KCNU1: variants seen among roughly 807,000 people sequenced by gnomAD.
The protein encoded by KCNU1 is potassium channel subfamily U member 1.
In KCNU1, 93 loss-of-function variants were observed where a neutral mutation model predicts 126.8. The observed-to-expected ratio is 0.73, with a 90% CI of 0.62 to 0.87. The LOEUF (loss-of-function observed/expected upper bound fraction) is 0.87, where lower values mean the gene tolerates loss of function less well. KCNU1 is among the 40% of genes least tolerant of loss of function. The probability of loss-of-function intolerance (pLI) is 0.00; values close to 1 mark genes in which losing one functional copy is unlikely to be tolerated. For missense variants in KCNU1, 1,330 were observed against 1,367.1 expected, an observed-to-expected ratio of 0.97 and a Z score of 0.43; for synonymous variants, 523 against 494.2, an observed-to-expected ratio of 1.06 and a Z score of -0.77.
At chr8:36,807,565 T>C (rs1398726453) in intron 6 of KCNU1, 115 bp downstream of exon 6, 6 of 790,280 alleles carry the variant, frequency 7.6e-6, no homozygotes, top group South Asian at 3.0e-5. Flanking sequence ...GCAAAGATCA[T>C]GAAATCTCTC....
At chr8:36,871,094 G>A (rs897477472) in intron 19 of KCNU1, among the ~76,000 whole-genome samples, 3 of 152,236 alleles carry the variant, frequency 2.0e-5, no homozygotes, top group African/African-American at 7.2e-5. Flanking sequence ...CAAGACCAAA[G>A]AAGACAGCAG....
In KCNU1 at chr8:36,875,330, A is replaced by G. The variant is rs896690266; in HGVS notation, c.2009+10809A>G. Among the ~76,000 whole-genome samples, 16 of 149,984 alleles carry G rather than the reference A, an allele frequency of 1.1e-4. No individual in the cohort carries two copies. The Admixed American group carries it at 1.1e-3, about 10-fold the overall frequency. ...ATACACACATATGTATGACTTATTT[A>G]TACATACCAATACATACATACATTA... On this transcript the variant is annotated intron_variant, in intron 19 of 26. Coordinates refer to ENST00000399881, the MANE Select transcript of KCNU1 (RefSeq NM_001031836.3).
At chr8:36,925,277 T>C (rs1311796479) in intron 24 of KCNU1, among the ~76,000 whole-genome samples, 1 of 152,214 alleles carries the variant, frequency 6.6e-6, no homozygotes, top group Non-Finnish European at 1.5e-5. Flanking sequence ...GAACTCTTGA[T>C]AAGTACTTAT....
rs763599774 is a variant in KCNU1, at chr8:36,845,634, G to T, written c.1758G>T (p.Gly586=). ...TGAGGATACGTAAGAACACATTAGG[G>T]TTCTTTATTGCTGAAACTCCAAAGG... ...PQVRIRKNTL[G]FFIAETPKDV... Residue 586 remains glycine, a synonymous_variant, in exon 17 of 27, where the codon GGG becomes GGT. Coordinates refer to ENST00000399881, the MANE Select transcript of KCNU1 (RefSeq NM_001031836.3). The T allele has an allele frequency of 6.2e-7, 1 of 1,611,380 alleles. No homozygotes were observed. Among genetic ancestry groups the T allele is most frequent in the Non-Finnish European group, 8.5e-7 (1 of 1,177,636 alleles).
At chr8:36,791,847 C>A (rs1249234596) in intron 2 of KCNU1, among the ~76,000 whole-genome samples, 1 of 152,094 alleles carries the variant, frequency 6.6e-6, no homozygotes, top group Non-Finnish European at 1.5e-5. Context: ...AAACCTTTTC[C>A]ACCACCTTGA....
chr8:36,792,722 A>G (rs1222979157), intron 2 of KCNU1, among the ~76,000 whole-genome samples: 1 of 152,228 alleles, frequency 6.6e-6, no homozygotes, highest in African/African-American at 2.4e-5. Flanking sequence ...ATAGATTTCA[A>G]TAAATGAGCT....
At chr8:36,815,345 C>A (rs1292107216) in intron 8 of KCNU1, among the ~76,000 whole-genome samples, 2 of 152,102 alleles carry the variant, frequency 1.3e-5, no homozygotes, top group African/African-American at 4.8e-5. Context: ...AAGGATAAGA[C>A]ATGTGGGGAA....
At chr8:36,827,197 G>A (rs1235524896) in intron 10 of KCNU1, among the ~76,000 whole-genome samples, 3 of 152,272 alleles carry the variant, frequency 2.0e-5, no homozygotes, top group Non-Finnish European at 4.4e-5. Context: ...TTCTGCCTCA[G>A]GACCATCTAA....
In KCNU1 at chr8:36,935,594, G is replaced by T. The variant is rs771138258; in HGVS notation, c.3124G>T (p.Ala1042Ser). The change falls in exon 27 of 27, where the codon GCT (alanine) becomes TCT (serine). Residue 1042 changes from alanine (A) to serine (S), a missense_variant. Ala to Ser is a moderately conservative substitution (Grantham distance 99). Transcript: ENST00000399881. ...LVFCAIPFST[A>S]CYKRNEEFSL... Reference sequence around the variant, plus strand: ...GTTTTGTGCCATACCCTTCAGCACTGCTTGTTATAAAAGGAATGAAGAGTT... The same window carrying T: ...GTTTTGTGCCATACCCTTCAGCACTTCTTGTTATAAAAGGAATGAAGAGTT... 1 of 1,613,020 alleles carries T rather than the reference G, an allele frequency of 6.2e-7. No individual in the cohort carries two copies. The highest frequency in any genetic ancestry group is 8.5e-7 in the Non-Finnish European group (1 of 1,179,380).
chr8:36,880,477 G>T (rs1035661419), intron 19 of KCNU1, among the ~76,000 whole-genome samples: 5 of 152,060 alleles, frequency 3.3e-5, no homozygotes, highest in African/African-American at 1.2e-4. Flanking sequence ...ATGAACAGAT[G>T]GGGTGTCGAA....
chr8:36,869,261 T>C (rs886432999), intron 19 of KCNU1, among the ~76,000 whole-genome samples: 2 of 152,174 alleles, frequency 1.3e-5, no homozygotes, highest in Non-Finnish European at 2.9e-5. Context: ...ATAACAGACC[T>C]GGGCCAGGAG....
intron 19 of KCNU1, among the ~76,000 whole-genome samples, chr8:36,905,464 A>G (rs1448782436): frequency 1.3e-5 from 2 of 151,364 alleles, no homozygotes; most frequent in African/African-American, 4.9e-5. Context: ...CTAAGGCAAA[A>G]AAAAAAAAAA....
intron 2 of KCNU1, among the ~76,000 whole-genome samples, chr8:36,800,541 G>A (rs1202307879): frequency 6.6e-6 from 1 of 152,196 alleles, no homozygotes; most frequent in African/African-American, 2.4e-5. Flanking sequence ...TCCTCTGAGA[G>A]TGCTCAGCCT....
intron 10 of KCNU1, among the ~76,000 whole-genome samples, chr8:36,826,091 C>T (rs1329903634): frequency 1.3e-5 from 2 of 151,910 alleles, no homozygotes; most frequent in Non-Finnish European, 2.9e-5. Flanking sequence ...TGTTGCTTGT[C>T]ACCTTTTTGT....
At position 36,935,720 on chromosome 8, in the gene KCNU1, A is replaced by G. The variant is rs1808833654; in HGVS notation, c.3250A>G (p.Thr1084Ala). 1 of 1,613,250 alleles carries G rather than the reference A, an allele frequency of 6.2e-7. No homozygotes were observed. The highest frequency in any genetic ancestry group is 1.7e-5 in the Admixed American group (1 of 59,960). Residue 1084 changes from threonine to alanine, a missense_variant, in exon 27 of 27, where the codon ACA (threonine) becomes GCA (alanine). Physicochemically the swap from Thr to Ala is moderately conservative, Grantham distance 58. This residue lies in a region of KCNU1 where 1,054 missense variants were observed against 1,053.9 expected (regional missense o/e 1.00). Coordinates refer to ENST00000399881, the MANE Select transcript of KCNU1 (RefSeq NM_001031836.3). Reference protein sequence around the residue: ...CPPTIDSVTETLYSPVYSYQP... With the variant: ...CPPTIDSVTEALYSPVYSYQP... Reference sequence around the variant, plus strand: ...TCCCACCATTGATTCAGTTACTGAGACATTGTATTCACCAGTCTATTCTTA... The same window carrying G: ...TCCCACCATTGATTCAGTTACTGAGGCATTGTATTCACCAGTCTATTCTTA...
chr8:36,808,068 G>C (rs1338041192), intron 6 of KCNU1, among the ~76,000 whole-genome samples: 1 of 152,134 alleles, frequency 6.6e-6, no homozygotes, highest in African/African-American at 2.4e-5. Flanking sequence ...TTAGAGGCCA[G>C]GTGGATTTCA....
intron 21 of KCNU1, 56 bp from the exon 22 acceptor site, chr8:36,910,874 A>T (rs1807843622): frequency 1.6e-6 from 2 of 1,265,790 alleles, no homozygotes; most frequent in Non-Finnish European, 2.2e-6. Context: ...ACCATGAGCC[A>T]TGATATAACA....
At position 36,845,885 on chromosome 8, in the gene KCNU1, G is replaced by A. The variant is rs780898444; in HGVS notation, c.1877G>A (p.Arg626Gln). 1.4e-5 allele frequency: 23 copies of A among 1,593,892 alleles called. No homozygotes were observed. The East Asian group carries it at 1.6e-4, about 11-fold the overall frequency. The part of the protein sequence containing the change: ...ITNCGCKSRS[R>Q]QHITVPSVKR... ...AACTGTGGCTGCAAAAGCAGAAGCCGGCAGCACATCACAGGTAATTGCACT... is the reference window on the plus strand; with the variant it reads ...AACTGTGGCTGCAAAAGCAGAAGCCAGCAGCACATCACAGGTAATTGCACT... The change falls in exon 18 of 27, where the codon CGG (arginine) becomes CAG (glutamine). Residue 626 changes from arginine (R) to glutamine (Q), a missense_variant. Coordinates refer to ENST00000399881, the MANE Select transcript of KCNU1 (RefSeq NM_001031836.3).
chr8:36,895,693 A>G (rs985037401), intron 19 of KCNU1, among the ~76,000 whole-genome samples: 1 of 152,100 alleles, frequency 6.6e-6, no homozygotes, highest in Non-Finnish European at 1.5e-5. Context: ...TTTTCTGTAG[A>G]TATATTTTCT....
Sources: allele counts gnomAD v4.1 joint callset (sites outside exome capture counted in the v4.1 genomes callset), GRCh38; gene constraint gnomAD v4.1.1; regional missense constraint gnomAD v4.1.1; transcripts MANE v1.5; gene names NCBI Gene and HGNC (gene_info 2026-07-23, HGNC 2026-07-21).